The following RGS8 variants were observed in gnomAD, a reference collection of about 807,000 sequenced individuals.
RGS8 encodes regulator of G protein signaling 8, also known as regulator of G-protein signaling 8.
A neutral mutation model predicts 21.7 loss-of-function variants in RGS8; 8 were observed. The ratio of observed to expected loss-of-function variants is 0.37; its 90% CI spans 0.22 to 0.66. RGS8 has a LOEUF of 0.66. Among genes scored for constraint, RGS8 ranks in the 30% least tolerant of loss-of-function variants. The probability of loss-of-function intolerance (pLI) is 0.59; values close to 1 mark genes in which losing one functional copy is unlikely to be tolerated. For missense variants in RGS8, 157 were observed against 217.9 expected (o/e 0.72, Z 1.76); for synonymous variants, 80 against 83.6 (o/e 0.96, Z 0.24).
chr1:182,664,233 T>C (rs1663739618), intron 5 of RGS8, among the ~76,000 whole-genome samples: 1 of 152,112 alleles, frequency 6.6e-6, no homozygotes, highest in African/African-American at 2.4e-5. Context: ...AAATTTGTAA[T>C]ATTATTCTCA....
chr1:182,737,318 A>G, the RGS8 span, among the ~76,000 whole-genome samples: 2 of 151,624 alleles, frequency 1.3e-5, no homozygotes, highest in East Asian at 3.9e-4. Flanking sequence ...AATAAATTTT[A>G]TGTGTATTTG....
chr1:182,720,604 C>T, the RGS8 span, among the ~76,000 whole-genome samples: 1 of 152,028 alleles, frequency 6.6e-6, no homozygotes, highest in Admixed American at 6.6e-5. Flanking sequence ...CATTAACCTC[C>T]TTCAGAAATG....
chr1:182,666,928 T>C (rs763654622), exon 4 of RGS8: 2 of 1,614,064 alleles, frequency 1.2e-6, no homozygotes, highest in Non-Finnish European at 1.7e-6. Flanking sequence ...TACACGAGTC[T>C]GACTTGTGAG....
chr1:182,651,191 A>G (rs1662996916), intron 5 of RGS8, among the ~76,000 whole-genome samples: 1 of 152,246 alleles, frequency 6.6e-6, no homozygotes, highest in Non-Finnish European at 1.5e-5. Context: ...CAATTCAGCC[A>G]TGTCTTTTAA....
At chr1:182,654,042 T>A (rs926163262) in intron 5 of RGS8, among the ~76,000 whole-genome samples, 1 of 152,218 alleles carries the variant, frequency 6.6e-6, no homozygotes, top group Non-Finnish European at 1.5e-5. Context: ...TGCTCAGGAC[T>A]TTACAAAACA....
At chr1:182,674,101 A>G (rs535999242), upstream of RGS8, among the ~76,000 whole-genome samples, 42 of 152,310 alleles carry the variant, frequency 2.8e-4, no homozygotes, top group African/African-American at 1.0e-3. Context: ...CCTTGCTTTA[A>G]CACAAAGGTA....
At chr1:182,683,627 CAAAAAA>C (rs397863359) in intron 1 of RGS8, among the ~76,000 whole-genome samples, 2 of 60,676 alleles carry the variant, frequency 3.3e-5, no homozygotes, top group African/African-American at 1.0e-4. Flanking sequence ...TCCCAGTGCT[CAAAAAA>C]AAAAAAAAAA....
upstream of RGS8, chr1:182,672,391 A>G: frequency 3.8e-6 from 1 of 260,272 alleles, no homozygotes; most frequent in Non-Finnish European, 7.4e-6. Context: ...GGCAGGTCAC[A>G]CATCTAAATT....
chr1:182,680,156 T>C (rs1411875302), intron 1 of RGS8, among the ~76,000 whole-genome samples: 7 of 152,126 alleles, frequency 4.6e-5, no homozygotes, highest in Non-Finnish European at 8.8e-5. Flanking sequence ...CATAATCACC[T>C]GGTTAGTCAC....
chr1:182,643,945 G>C (rs966497388), downstream of RGS8: 1 of 152,294 alleles, frequency 6.6e-6, no homozygotes, highest in African/African-American at 2.4e-5. Context: ...CCTGGAGCCT[G>C]CATAGGCCCA....
chr1:182,721,321 G>A, the RGS8 span, among the ~76,000 whole-genome samples: 2 of 152,004 alleles, frequency 1.3e-5, no homozygotes, highest in Non-Finnish European at 2.9e-5. Flanking sequence ...ACAGGAGAGG[G>A]GAAATGTATT....
At chr1:182,728,920 G>A in the RGS8 span, among the ~76,000 whole-genome samples, 4 of 152,134 alleles carry the variant, frequency 2.6e-5, no homozygotes, top group Non-Finnish European at 4.4e-5. Context: ...GGGTTGACAG[G>A]TGCAGCAAAC....
chr1:182,741,444 G>A, the RGS8 span, among the ~76,000 whole-genome samples: 1 of 142,552 alleles, frequency 7.0e-6, no homozygotes, highest in Non-Finnish European at 1.6e-5. Context: ...CAGGGCGGCT[G>A]GCCGGGCAGA....
chr1:182,734,218 G>T, the RGS8 span, among the ~76,000 whole-genome samples: 1 of 152,226 alleles, frequency 6.6e-6, no homozygotes, highest in Non-Finnish European at 1.5e-5. Flanking sequence ...ACCGTGCCTG[G>T]CCCCAAGTTA....
chr1:182,660,323 G>C (rs1045370296), intron 5 of RGS8, among the ~76,000 whole-genome samples: 8 of 152,132 alleles, frequency 5.3e-5, no homozygotes, highest in African/African-American at 1.9e-4. Flanking sequence ...AGCCTGTCCA[G>C]TTGTTTTCAT....
At chr1:182,736,062 T>G in the RGS8 span, among the ~76,000 whole-genome samples, 1 of 152,340 alleles carries the variant, frequency 6.6e-6, no homozygotes, top group African/African-American at 2.4e-5. Flanking sequence ...AATTAACTCC[T>G]TTTTCTTTTT....
At chr1:182,744,430 A>G in the RGS8 span, among the ~76,000 whole-genome samples, 46 of 152,252 alleles carry the variant, frequency 3.0e-4, no homozygotes, top group Middle Eastern at 3.4e-3. Flanking sequence ...ACCCAGCCCA[A>G]TTCATTGTTT....
At chr1:182,665,813 C>G (rs549182578) in intron 5 of RGS8, among the ~76,000 whole-genome samples, 156 bp downstream of exon 6, 1 of 152,312 alleles carries the variant, frequency 6.6e-6, no homozygotes, top group East Asian at 1.9e-4. Context: ...ATTTTCTTTT[C>G]TATATGCTCC....
upstream of RGS8, among the ~76,000 whole-genome samples, chr1:182,685,507 C>G (rs760973915): frequency 6.6e-6 from 1 of 152,196 alleles, no homozygotes; most frequent in Non-Finnish European, 1.5e-5. Flanking sequence ...AGTAAATCAA[C>G]AAACCATGGA....
Sources: gnomAD v4.1 joint callset for allele counts (sites outside exome capture counted in the v4.1 genomes callset) on GRCh38, gnomAD v4.1.1 for gene constraint, MANE v1.5 for transcripts, NCBI Gene and HGNC (gene_info 2026-07-23, HGNC 2026-07-21) for gene names.